CDKL3: variants seen among roughly 807,000 people sequenced by gnomAD.
CDKL3 encodes the protein cyclin dependent kinase like 3, also known as cyclin-dependent kinase-like 3.
CDKL3 carries 65 observed loss-of-function variants against 69.3 expected under a neutral mutation model. That is an observed-to-expected ratio of 0.94 (90% CI 0.77 to 1.15). The LOEUF is 1.15. Ranked by LOEUF, CDKL3 falls within the 50% of genes most tolerant of loss-of-function variation. The pLI, the probability that CDKL3 is intolerant of heterozygous loss-of-function variation, is 0.00. For synonymous variants in CDKL3, 202 were observed against 221.6 expected (o/e 0.91, Z 0.79); for missense variants, 652 against 689.2 (o/e 0.95, Z 0.61).
intron 11 of CDKL3, among the ~76,000 whole-genome samples, chr5:134,303,672 C>A (rs982122751): frequency 1.3e-5 from 2 of 150,804 alleles, no homozygotes; most frequent in Non-Finnish European, 3.0e-5. Context: ...GGTGGAACCC[C>A]CCCCCCGTCT....
At chr5:134,321,069 C>A (rs544451735) in intron 5 of CDKL3, among the ~76,000 whole-genome samples, 1 of 133,696 alleles carries the variant, frequency 7.5e-6, no homozygotes, top group Non-Finnish European at 1.5e-5. Flanking sequence ...AGTGCAGTGG[C>A]GTGATCGTGG....
chr5:134,308,780 T>C lies in CDKL3; in HGVS notation c.882-53A>G, dbSNP rs532263425. 227 of 1,420,524 alleles carry C rather than the reference T, an allele frequency of 1.6e-4. No individual in the cohort carries two copies. In the African/African-American group the frequency reaches 2.4e-3, roughly 15 times the overall value. The allele number at this position is 1,420,524 out of a possible 1,614,324, so 88.0% of individuals were successfully genotyped here. On this transcript the variant is annotated intron_variant, in intron 7 of 12. Coordinates refer to ENST00000265334, the MANE Select transcript of CDKL3 (RefSeq NM_001113575.2). The stretch of plus-strand genomic sequence containing the variant: ...AATCTTTTTATATATGCAGATGGAG[T>C]ATTTTATCTTGAATAAACCATTTCA...
intron 2 of CDKL3, among the ~76,000 whole-genome samples, chr5:134,361,121 G>A (rs925457105): frequency 3.3e-5 from 5 of 152,132 alleles, no homozygotes; most frequent in African/African-American, 9.7e-5. Context: ...AAACAAATGA[G>A]ATTTAATATT....
intron 1 of CDKL3, 125 bp downstream of exon 1, chr5:134,366,852 C>T (rs576897673): frequency 5.3e-5 from 53 of 992,694 alleles, no homozygotes; most frequent in Admixed American, 2.3e-4. Context: ...CCCTACACTT[C>T]CTGTCATGTT....
At chr5:134,285,776 C>T (rs1764834755), downstream of CDKL3, among the ~76,000 whole-genome samples, 1 of 152,226 alleles carries the variant, frequency 6.6e-6, no homozygotes. Flanking sequence ...CCTTATAAAA[C>T]TGAATGCCTT....
intron 3 of CDKL3, 90 bp from the exon 4 acceptor site, chr5:134,350,517 TAAGA>T: frequency 3.5e-6 from 3 of 855,818 alleles, no homozygotes; most frequent in Non-Finnish European, 3.6e-6. Context: ...TCTAGCTAAT[TAAGA>T]TAGTAAAGCT....
intron 8 of CDKL3, among the ~76,000 whole-genome samples, chr5:134,290,035 G>A (rs1160996464): frequency 3.9e-5 from 6 of 152,090 alleles, no homozygotes; most frequent in Non-Finnish European, 8.8e-5. Context: ...TCTAAGCATG[G>A]AGAATACAGC....
At chr5:134,313,503 T>G (rs1465409110) in intron 6 of CDKL3, among the ~76,000 whole-genome samples, 3 of 152,176 alleles carry the variant, frequency 2.0e-5, no homozygotes, top group African/African-American at 7.2e-5. Context: ...ATGAGGAGAC[T>G]GAGGCCCAGA....
chr5:134,371,374 G>C (rs1758385716), upstream of CDKL3: 2 of 653,236 alleles, frequency 3.1e-6, no homozygotes, highest in African/African-American at 3.7e-5. Flanking sequence ...CCCGCGTCCC[G>C]CCCCCTCCTC....
intron 12 of CDKL3, chr5:134,299,849 G>T: frequency 1.3e-6 from 1 of 752,756 alleles, no homozygotes; most frequent in Non-Finnish European, 2.1e-6. Flanking sequence ...TGCCCCTATG[G>T]GTTGTTTCAT....
upstream of CDKL3, chr5:134,371,401 G>A: frequency 1.4e-6 from 1 of 733,724 alleles, no homozygotes; most frequent in Non-Finnish European, 2.2e-6. Context: ...CACTCACACT[G>A]TGGTAGCGGC....
At position 134,312,153 on chromosome 5, in the gene CDKL3, C is replaced by T. The variant is rs545677743; in HGVS notation, c.881+139G>A. ...AAGTCTGCTGTCTTCCTAGTCAATA[C>T]CTGATACAATAACTCAATAAATTTT... On this transcript the variant is annotated intron_variant, in intron 7 of 12. Transcript: ENST00000265334. The T allele has an allele frequency of 3.9e-3, 2,456 of 632,360 alleles. 13 individuals carry two copies. The highest frequency in any genetic ancestry group is 5.2e-3 in the Non-Finnish European group (1,839 of 354,054). 39.2% of individuals were successfully genotyped at this position (632,360 alleles called of 1,614,324 possible). A position where few individuals can be genotyped will look rare whatever the true frequency, so the allele number is the denominator to read the frequency against.
chr5:134,353,840 G>A (rs1034786236), intron 3 of CDKL3, among the ~76,000 whole-genome samples: 3 of 152,126 alleles, frequency 2.0e-5, no homozygotes, highest in African/African-American at 4.8e-5. Context: ...TTACAGGCGT[G>A]AGCCACCGTG....
At position 134,366,973 on chromosome 5, in the gene CDKL3, G is replaced by A. The variant is rs1333015125; in HGVS notation, c.-22+4C>T. 1.0e-5 allele frequency: 10 copies of A among 989,476 alleles called. No individual in the cohort carries two copies. Among genetic ancestry groups the A allele is most frequent in the Non-Finnish European group, 1.2e-5 (10 of 832,734 alleles). 61.3% of individuals were successfully genotyped at this position (989,476 alleles called of 1,614,324 possible). On this transcript the variant is annotated splice_donor_region_variant and intron_variant, in intron 1 of 12. Coordinates refer to ENST00000265334, the MANE Select transcript of CDKL3 (RefSeq NM_001113575.2). Reference sequence around the variant, plus strand: ...CTCAAACCACACGTCTTAGGATGCCGGACCGGCGTCACGCCCCACGTCCCG... The same window carrying A: ...CTCAAACCACACGTCTTAGGATGCCAGACCGGCGTCACGCCCCACGTCCCG...
At chr5:134,302,559 C>T in intron 12 of CDKL3, 31 bp downstream of exon 12, 1 of 1,114,138 alleles carries the variant, frequency 9.0e-7, no homozygotes, top group Non-Finnish European at 1.3e-6. Flanking sequence ...AACAACATGC[C>T]TTAGTAAAAG....
intron 6 of CDKL3, among the ~76,000 whole-genome samples, chr5:134,317,178 C>T (rs988716006): frequency 2.6e-5 from 4 of 152,114 alleles, no homozygotes; most frequent in African/African-American, 9.7e-5. Flanking sequence ...CTCTGTCACC[C>T]AGGCTGGAGT....
intron 6 of CDKL3, among the ~76,000 whole-genome samples, chr5:134,316,578 CAG>C (rs1771147127): frequency 6.8e-6 from 1 of 147,466 alleles, no homozygotes; most frequent in Non-Finnish European, 1.5e-5. Context: ...GCCTGGGTGA[CAG>C]AGCGAGACTC....
Position 134,298,622 on chromosome 5 carries a change from AT to A in CDKL3, c.*28del. ...AAAACGGGAAGAGTTGTCATCTTGT[AT>A]TTTTTGGACTATGTAAAAGAAAAGA... On this transcript the variant is annotated 3_prime_UTR_variant, in exon 13 of 13. Transcript: ENST00000265334. 1 of 1,602,502 alleles carries A rather than the reference AT, an allele frequency of 6.2e-7. No homozygotes were observed. Among genetic ancestry groups the A allele is most frequent in the Non-Finnish European group, 8.5e-7 (1 of 1,176,712 alleles).
chr5:134,298,742 G>A (rs1257565024), intron 12 of CDKL3, 32 bp from the exon 13 acceptor site: 1 of 1,598,144 alleles, frequency 6.3e-7, no homozygotes, highest in African/African-American at 1.4e-5. Context: ...GTAAGAATCA[G>A]GGACTGGAAT....
Sources: gnomAD v4.1 joint callset for allele counts (sites outside exome capture counted in the v4.1 genomes callset) on GRCh38, gnomAD v4.1.1 for gene constraint, MANE v1.5 for transcripts, NCBI Gene and HGNC (gene_info 2026-07-23, HGNC 2026-07-21) for gene names.